HSD17B14: variants seen among roughly 807,000 people sequenced by gnomAD.
HSD17B14 encodes L-fucose dehydrogenase.
HSD17B14 carries 32 observed loss-of-function variants against 32.2 expected under a neutral mutation model. The ratio of observed to expected loss-of-function variants is 0.99; its 90% CI spans 0.75 to 1.33. HSD17B14 has a LOEUF of 1.33. HSD17B14 is among the 40% of genes most tolerant of loss of function. The pLI is 0.00. For synonymous variants in HSD17B14, 140 were observed against 155.4 expected, an observed-to-expected ratio of 0.90 and a Z score of 0.74; for missense variants, 370 against 366.5, an observed-to-expected ratio of 1.01 and a Z score of -0.08.
chr19:48,818,234 C>T (rs2035088053), intron 5 of HSD17B14, among the ~76,000 whole-genome samples: 1 of 151,388 alleles, frequency 6.6e-6, no homozygotes, highest in African/African-American at 2.4e-5. Context: ...TCTCTTGATC[C>T]CGGGAGGCAG....
At chr19:48,820,846 G>A (rs756214548) in intron 5 of HSD17B14, among the ~76,000 whole-genome samples, 20 of 150,952 alleles carry the variant, frequency 1.3e-4, no homozygotes, top group Non-Finnish European at 2.2e-4. Flanking sequence ...TCCACAAAAA[G>A]TAAGAAAAAA....
rs1245519381 is a variant in HSD17B14, at chr19:48,824,691, G to A, written c.369+6977C>T. Among the ~76,000 whole-genome samples, 6 of 151,062 alleles carry A rather than the reference G, an allele frequency of 4.0e-5. No individual in the cohort carries two copies. In the South Asian group the frequency reaches 8.4e-4, roughly 21 times the overall value. ...TGAGGCAGGAGAATAGCTTGAACCC[G>A]GGAGGCAGAGATTGCAGTGAGCTGA... On this transcript the variant is annotated intron_variant, in intron 5 of 8. Coordinates refer to ENST00000263278, the MANE Select transcript of HSD17B14 (RefSeq NM_016246.3).
chr19:48,830,520 G>A lies in HSD17B14; in HGVS notation c.369+1148C>T, dbSNP rs760935259. The stretch of plus-strand genomic sequence containing the variant: ...TAAAAGAAAATCTAGCCCCTTCTTC[G>A]GGGCCGAGAGAATTTTGAGCGCTAG... On this transcript the variant is annotated intron_variant, in intron 5 of 8. Coordinates refer to ENST00000263278, the MANE Select transcript of HSD17B14 (RefSeq NM_016246.3). Among the ~76,000 whole-genome samples the A allele has an allele frequency of 6.6e-5, 10 of 151,962 alleles. No homozygotes were observed. The South Asian group carries it at 1.7e-3, about 25-fold the overall frequency.
chr19:48,829,071 T>C (rs2035295091), intron 5 of HSD17B14, among the ~76,000 whole-genome samples: 1 of 151,608 alleles, frequency 6.6e-6, no homozygotes, highest in Non-Finnish European at 1.5e-5. Context: ...AAAAAATAAA[T>C]TAATTAATTT....
chr19:48,819,908 G>A (rs2035117703), intron 5 of HSD17B14, among the ~76,000 whole-genome samples: 1 of 152,188 alleles, frequency 6.6e-6, no homozygotes, highest in African/African-American at 2.4e-5. Context: ...AGCATCTGGG[G>A]AGGCTGAAGT....
chr19:48,824,833 G>T (rs952551953), intron 5 of HSD17B14, among the ~76,000 whole-genome samples: 2 of 151,606 alleles, frequency 1.3e-5, no homozygotes, highest in African/African-American at 4.8e-5. Flanking sequence ...CAGTACACAT[G>T]AATTATCTGT....
chr19:48,826,794 C>A (rs1254913016), intron 5 of HSD17B14, among the ~76,000 whole-genome samples: 1 of 151,792 alleles, frequency 6.6e-6, no homozygotes, highest in Non-Finnish European at 1.5e-5. Context: ...GGCCCGCCCC[C>A]AGGCCTCTCC....
At chr19:48,813,371 G>C in intron 8 of HSD17B14, 23 bp from the exon 9 acceptor site, 1 of 1,560,468 alleles carries the variant, frequency 6.4e-7, no homozygotes, top group Non-Finnish European at 8.7e-7. Context: ...GAGGGGGGAA[G>C]GAGGTCAAGA....
intron 5 of HSD17B14, among the ~76,000 whole-genome samples, chr19:48,825,187 G>T (rs1215511989): frequency 7.0e-6 from 1 of 141,902 alleles, no homozygotes; most frequent in Non-Finnish European, 1.5e-5. Context: ...GCCATGAGCT[G>T]AGATGGTGCC....
At chr19:48,821,073 C>T (rs137909099) in intron 5 of HSD17B14, among the ~76,000 whole-genome samples, 2,188 of 147,616 alleles carry the variant, frequency 0.015, 28 homozygotes, top group Non-Finnish European at 0.025. Context: ...AGTGCAGTGG[C>T]GCGATCTCAG....
At chr19:48,816,803 C>CTTTCTTTCTTTCTTTCTTTCT (rs2035061362) in intron 5 of HSD17B14, among the ~76,000 whole-genome samples, 1 of 116,432 alleles carries the variant, frequency 8.6e-6, no homozygotes, top group Non-Finnish European at 1.7e-5. Flanking sequence ...TTCTTTCTTT[C>CTTTCTTTCTTTCTTTCTTTCT]TTTCTTTCTT....
chr19:48,827,081 C>T (rs908803774), intron 5 of HSD17B14, among the ~76,000 whole-genome samples: 5 of 150,232 alleles, frequency 3.3e-5, no homozygotes, highest in Non-Finnish European at 7.4e-5. Flanking sequence ...CTCGCTCTGT[C>T]GCCCAGGCTG....
intron 5 of HSD17B14, among the ~76,000 whole-genome samples, chr19:48,826,670 G>A (rs1467782950): frequency 1.3e-5 from 2 of 150,750 alleles, no homozygotes; most frequent in African/African-American, 4.9e-5. Context: ...CACAAATTTG[G>A]AACAGGAGCC....
Position 48,813,147 on chromosome 19 carries a change from AG to A in HSD17B14, c.*27del. ...AGTTTGGGGTGGGAGAGTCCTAGGA[AG>A]GGGGCCCCAAGTAGAAATGAGAGAA... On this transcript the variant is annotated 3_prime_UTR_variant, in exon 9 of 9. Transcript: ENST00000263278. 2 of 1,520,832 alleles carry A rather than the reference AG, an allele frequency of 1.3e-6. No individual in the cohort carries two copies. The highest frequency in any genetic ancestry group is 1.4e-5 in the African/African-American group (1 of 73,246). 94.2% of individuals were successfully genotyped at this position (1,520,832 alleles called of 1,614,324 possible).
intron 5 of HSD17B14, among the ~76,000 whole-genome samples, chr19:48,827,187 C>T (rs576522585): frequency 2.6e-5 from 4 of 151,754 alleles, no homozygotes; most frequent in Non-Finnish European, 2.9e-5. Context: ...GGATTACAGG[C>T]GCCCACCACC....
Position 48,833,040 on chromosome 19 carries a change from G to A in HSD17B14, c.211-308C>T, listed in dbSNP as rs1014508203. ...AAAGTGCTGGAATTACAGGTACCAC[G>A]CCCAGCCCAGGAAATGTCCTTTGAA... On this transcript the variant is annotated intron_variant, in intron 3 of 8. Coordinates refer to ENST00000263278, the MANE Select transcript of HSD17B14 (RefSeq NM_016246.3). Among the ~76,000 whole-genome samples, 7 of 151,656 alleles carry A rather than the reference G, an allele frequency of 4.6e-5. No individual in the cohort carries two copies. In the East Asian group the frequency reaches 5.8e-4, roughly 13 times the overall value.
At chr19:48,824,957 T>C (rs2035219829) in intron 5 of HSD17B14, among the ~76,000 whole-genome samples, 1 of 151,646 alleles carries the variant, frequency 6.6e-6, no homozygotes, top group African/African-American at 2.4e-5. Flanking sequence ...AATTGTATGA[T>C]CTGGGCTGGG....
rs201848728 is a variant in HSD17B14 at position 48,831,678 on chromosome 19, G to A, written c.359C>T (p.Thr120Ile). 1.2e-6 allele frequency: 2 copies of A among 1,613,612 alleles called. No individual in the cohort carries two copies. The highest frequency in any genetic ancestry group is 3.3e-5 in the Admixed American group (2 of 59,978). ...GTCGCCAGCCCTCACCTTGGTCAAG[G>A]TGTACGTCCCCAGTAGGTTCAGCTC... ...LLELNLLGTYTLTKLALPYLR... is the reference protein window; with the variant it reads ...LLELNLLGTYILTKLALPYLR... The change falls in exon 5 of 9, where the codon ACC becomes ATC. Residue 120 changes from threonine (T) to isoleucine (I), a missense_variant. Thr to Ile is a moderately conservative substitution (Grantham distance 89). Transcript: ENST00000263278.
At chr19:48,817,919 G>A (rs73587846) in intron 5 of HSD17B14, among the ~76,000 whole-genome samples, 3 of 152,192 alleles carry the variant, frequency 2.0e-5, no homozygotes, top group Non-Finnish European at 4.4e-5. Flanking sequence ...ATTGACGCCC[G>A]CAGGGCATCA....
Sources: gnomAD v4.1 joint callset for allele counts (sites outside exome capture counted in the v4.1 genomes callset) on GRCh38, gnomAD v4.1.1 for gene constraint, MANE v1.5 for transcripts, NCBI Gene and HGNC (gene_info 2026-07-23, HGNC 2026-07-21) for gene names.